The following SLC25A29 variants were observed in gnomAD, a reference collection of about 807,000 sequenced individuals.
SLC25A29 encodes the protein mitochondrial basic amino acids transporter.
Under a neutral mutation model 10.0 loss-of-function variants are expected in SLC25A29, and 13 were observed. That is an observed-to-expected ratio of 1.30 (90% CI 0.85 to 2.07). SLC25A29 has a LOEUF of 2.07. Ranked by LOEUF, SLC25A29 falls within the 30% of genes most tolerant of loss-of-function variation. SLC25A29 has a pLI of 0.00. For missense variants in SLC25A29, 475 were observed against 447.6 expected (o/e 1.06, Z -0.55); for synonymous variants, 244 against 221.1 (o/e 1.10, Z -0.92).
intron 2 of SLC25A29, chr14:100,294,844 C>T (rs777353170): frequency 1.3e-5 from 2 of 152,258 alleles, no homozygotes; most frequent in African/African-American, 4.8e-5. Context: ...AGGACCTCAA[C>T]AGCTGGAAGC....
Position 100,292,811 on chromosome 14 carries a change from C to T in SLC25A29, c.384G>A (p.Ala128=), listed in dbSNP as rs958197864. 4.4e-6 allele frequency: 7 copies of T among 1,590,080 alleles called. No individual in the cohort carries two copies. In the African/African-American group the frequency reaches 9.4e-5, roughly 21 times the overall value. Residue 128 remains alanine (A), a synonymous_variant, in exon 4 of 4, where the codon GCG becomes GCA. Transcript: ENST00000359232. ...TRLQLQDAGP[A]RTYKGSLDCL... is the part of the protein sequence containing the mutation. ...AGTCCAGCGAGCCCTTGTAGGTGCG[C>T]GCTGGGCCCGCGTCCTGCAGCTGCA... is the stretch of plus-strand genomic sequence containing the variant.
At chr14:100,299,666 T>C in intron 1 of SLC25A29, 1 of 881,302 alleles carries the variant, frequency 1.1e-6, no homozygotes, top group Non-Finnish European at 1.4e-6. Context: ...GTGGTAACCA[T>C]CTCTGAGTCT....
Position 100,292,050 on chromosome 14 carries a change from G to A in SLC25A29, c.*233C>T. 1.8e-6 allele frequency: 1 copy of A among 546,884 alleles called. No homozygotes were observed. Among genetic ancestry groups the A allele is most frequent in the Non-Finnish European group, 3.2e-6 (1 of 311,428 alleles). 33.9% of individuals were successfully genotyped at this position (546,884 alleles called of 1,614,324 possible). ...CTGGCTGCTGCTGGGAATAATCTCT[G>A]AGCTTCGTGACTCTACAGTGTGGGC... On this transcript the variant is annotated 3_prime_UTR_variant, in exon 4 of 4. Transcript: ENST00000359232.
intron 2 of SLC25A29, chr14:100,298,461 T>G (rs1354769911): frequency 3.1e-6 from 1 of 320,676 alleles, no homozygotes; most frequent in African/African-American, 2.2e-5. Context: ...TGATCACCAC[T>G]CCGTGAAGAT....
intron 2 of SLC25A29, 145 bp downstream of exon 2, chr14:100,298,697 G>T: frequency 2.0e-6 from 2 of 996,946 alleles, no homozygotes; most frequent in Non-Finnish European, 1.6e-6. Flanking sequence ...CCAGGACAAA[G>T]CAGTGAGGAA....
In SLC25A29 at chr14:100,292,692, T is replaced by C; in HGVS notation, c.503A>G (p.Tyr168Cys). 6.2e-7 allele frequency: 1 copy of C among 1,602,754 alleles called. No individual in the cohort carries two copies. Among genetic ancestry groups the C allele is most frequent in the Non-Finnish European group, 8.5e-7 (1 of 1,176,066 alleles). Residue 168 changes from tyrosine (Y) to cysteine (C), a missense_variant, in exon 4 of 4, where the codon TAC (tyrosine) becomes TGC (cysteine). By Grantham distance (194) the Tyr-to-Cys change is radical (BLOSUM62 -2). Transcript: ENST00000359232. The part of the protein sequence containing the change: ...LLRETPSFGV[Y>C]FLTYDALTRA... ...CGTGAGAGCGTCATAGGTGAGGAAG[T>C]AGACGCCGAAGCTGGGCGTCTCACG...
chr14:100,298,943 C>T, intron 1 of SLC25A29, 58 bp from the exon 2 acceptor site: 1 of 1,600,654 alleles, frequency 6.2e-7, no homozygotes, highest in Non-Finnish European at 8.5e-7. Flanking sequence ...GTGCAGGGTG[C>T]TGGGCAGGAG....
the SLC25A29 span, chr14:100,279,447 G>A: frequency 6.6e-6 from 1 of 152,214 alleles, no homozygotes; most frequent in Non-Finnish European, 1.5e-5. Flanking sequence ...AATCATGAAT[G>A]AAACATTTAA....
At chr14:100,289,102 T>C (rs4905943), downstream of SLC25A29, among the ~76,000 whole-genome samples, 145,405 of 152,316 alleles carry the variant, frequency 0.95, 69,439 homozygotes, top group East Asian at 1. Flanking sequence ...GATTGCCAGC[T>C]GCCCCCAGAA....
At chr14:100,286,483 GTTGCTTGCA>G (rs1891546255), downstream of SLC25A29, among the ~76,000 whole-genome samples, 2 of 131,956 alleles carry the variant, frequency 1.5e-5, no homozygotes, top group African/African-American at 5.8e-5. Flanking sequence ...GGGGGGGGGT[GTTGCTTGCA>G]GAGGGGCGCT....
chr14:100,287,218 T>C (rs1350063915), downstream of SLC25A29, among the ~76,000 whole-genome samples: 1 of 152,194 alleles, frequency 6.6e-6, no homozygotes, highest in Non-Finnish European at 1.5e-5. Flanking sequence ...TCCAAAGGGA[T>C]CAAAAGAAAA....
At chr14:100,299,107 CTGTCCCACTCAGCACTGG>C in intron 1 of SLC25A29, 2 of 1,413,632 alleles carry the variant, frequency 1.4e-6, no homozygotes, top group Non-Finnish European at 1.8e-6. Context: ...AAGCCAGCAC[CTGTCCCACTCAGCACTGG>C]TGTCCCATCT....
chr14:100,291,994 A>C lies in SLC25A29; in HGVS notation c.*289T>G. ...GAGTGTCTGCCTCAGTTTCCAGGAT[A>C]ACGGTGCAATGGCCTCAGCCAGGCC... is the stretch of plus-strand genomic sequence containing the variant. On this transcript the variant is annotated 3_prime_UTR_variant, in exon 4 of 4. Coordinates refer to ENST00000359232, the MANE Select transcript of SLC25A29 (RefSeq NM_001039355.3). 2.3e-6 allele frequency: 1 copy of C among 444,394 alleles called. No homozygotes were observed. The highest frequency in any genetic ancestry group is 4.1e-6 in the Non-Finnish European group (1 of 246,646). The allele number at this position is 444,394 out of a possible 1,614,324, so 27.5% of individuals were successfully genotyped here. A position where few individuals can be genotyped will look rare whatever the true frequency, so the allele number is the denominator to read the frequency against.
the SLC25A29 span, among the ~76,000 whole-genome samples, chr14:100,285,890 C>T: frequency 6.6e-6 from 1 of 152,116 alleles, no homozygotes; most frequent in Admixed American, 6.5e-5. Flanking sequence ...GGGGCGGGCC[C>T]GGGAAGCGGG....
rs1891898611 is a variant in SLC25A29, at chr14:100,293,283, A to G, written c.162+11T>C. The G allele has an allele frequency of 1.2e-6, 2 of 1,612,452 alleles. No homozygotes were observed. The highest frequency in any genetic ancestry group is 1.7e-6 in the Non-Finnish European group (2 of 1,179,778). On this transcript the variant is annotated intron_variant, in intron 3 of 3. Coordinates refer to ENST00000359232, the MANE Select transcript of SLC25A29 (RefSeq NM_001039355.3). Reference sequence around the variant, plus strand: ...TGTGCCTCCCGAGCCCCACCAGCCCAGGCCACTCACGCTCTCTTGCTTGAT... The same window carrying G: ...TGTGCCTCCCGAGCCCCACCAGCCCGGGCCACTCACGCTCTCTTGCTTGAT...
Position 100,292,493 on chromosome 14 carries a change from G to C in SLC25A29, c.702C>G (p.Cys234Trp), listed in dbSNP as rs1369294333. 1 of 1,587,380 alleles carries C rather than the reference G, an allele frequency of 6.3e-7. No homozygotes were observed. Among genetic ancestry groups the C allele is most frequent in the Non-Finnish European group, 8.6e-7 (1 of 1,168,658 alleles). ...CCTCGGCGCGGTAGCTCTGGTGCAC[G>C]CAGTCCAGGATGCCGCGGTAGCGCG... ...GAPRYRGILD[C>W]VHQSYRAEGW... The change falls in exon 4 of 4, where the codon TGC becomes TGG. Residue 234 changes from cysteine (C) to tryptophan (W), a missense_variant. Coordinates refer to ENST00000359232, the MANE Select transcript of SLC25A29 (RefSeq NM_001039355.3).
downstream of SLC25A29, chr14:100,291,033 C>T (rs1439687252): frequency 1.3e-5 from 2 of 152,306 alleles, no homozygotes; most frequent in Non-Finnish European, 2.9e-5. Context: ...GCACACGCAC[C>T]CCTGAGCTGG....
intron 1 of SLC25A29, chr14:100,299,254 A>G: frequency 9.3e-7 from 1 of 1,079,304 alleles, no homozygotes; most frequent in Non-Finnish European, 1.1e-6. Context: ...TGACATGGGC[A>G]GGAGGCTCCA....
chr14:100,297,002 G>C (rs1448692785), intron 2 of SLC25A29, among the ~76,000 whole-genome samples: 1 of 152,136 alleles, frequency 6.6e-6, no homozygotes, highest in Non-Finnish European at 1.5e-5. Flanking sequence ...GGTTGGGGGG[G>C]GAACCGAGGC....
Sources: gnomAD v4.1 joint callset for allele counts (sites outside exome capture counted in the v4.1 genomes callset) on GRCh38, gnomAD v4.1.1 for gene constraint, MANE v1.5 for transcripts, NCBI Gene and HGNC (gene_info 2026-07-23, HGNC 2026-07-21) for gene names.